NAPSA: variants seen among roughly 807,000 people sequenced by gnomAD.
The protein encoded by NAPSA is napsin-A.
NAPSA carries 37 observed loss-of-function variants against 36.7 expected under a neutral mutation model. That is an observed-to-expected ratio of 1.01 (90% CI 0.78 to 1.33). The LOEUF is 1.33. Ranked by LOEUF, NAPSA falls within the 40% of genes most tolerant of loss-of-function variation. NAPSA has a pLI of 0.00. For synonymous variants in NAPSA, 222 were observed against 234.5 expected, an observed-to-expected ratio of 0.95 and a Z score of 0.49; for missense variants, 532 against 543.8, an observed-to-expected ratio of 0.98 and a Z score of 0.21.
Position 50,364,274 on chromosome 19 carries a change from C to T in NAPSA, c.83+1265G>A, listed in dbSNP as rs2037512946. On this transcript the variant is annotated intron_variant, in intron 1 of 8. Coordinates refer to ENST00000253719, the MANE Select transcript of NAPSA (RefSeq NM_004851.3). ...AGGTTGCAGTGAGCTGAGATCGCGC[C>T]ATTGCACTCCAGCCTGGGCGACAGG... Among the ~76,000 whole-genome samples the T allele has an allele frequency of 2.1e-5, 3 of 143,946 alleles. No individual in the cohort carries two copies. In the Admixed American group the frequency reaches 2.1e-4, roughly 10 times the overall value. The allele number at this position is 143,946 out of a possible 152,430, so 94.4% of individuals were successfully genotyped here. A position where few individuals can be genotyped will look rare whatever the true frequency, so the allele number is the denominator to read the frequency against.
upstream of NAPSA, among the ~76,000 whole-genome samples, chr19:50,366,646 G>GTTATTTATTTAT (rs56341915): frequency 1.4e-4 from 20 of 144,944 alleles, no homozygotes; most frequent in Non-Finnish European, 1.8e-4. Flanking sequence ...GCATTGATGA[G>GTTATTTATTTAT]TTATTTATTT....
chr19:50,359,103 T>C lies in NAPSA; in HGVS notation c.943A>G (p.Ile315Val). The C allele has an allele frequency of 6.2e-7, 1 of 1,613,018 alleles. No homozygotes were observed. Residue 315 changes from isoleucine (I) to valine (V), a missense_variant, in exon 8 of 9, where the codon ATC (isoleucine) becomes GTC (valine). Around this residue, in one of 3 missense-constraint regions of NAPSA, gnomAD observed 385 missense variants for 371.5 expected, o/e 1.04. Coordinates refer to ENST00000253719, the MANE Select transcript of NAPSA (RefSeq NM_004851.3). ...AGCTTTGGGATTTCCGAGCACAGGA[T>C]GATGTACTGGGGGAGAAGAGGAACT... is the stretch of plus-strand genomic sequence containing the variant. ...GIPLLAGEYI[I>V]LCSEIPKLPA... is the part of the protein sequence containing the mutation.
intron 1 of NAPSA, 106 bp downstream of exon 1, chr19:50,365,433 T>C (rs2037534770): frequency 1.9e-6 from 2 of 1,042,466 alleles, no homozygotes; most frequent in Admixed American, 1.9e-5. Context: ...GCTCTAGGGA[T>C]CCTGGGTGCC....
At chr19:50,367,544 CT>C (rs2123624464), upstream of NAPSA, among the ~76,000 whole-genome samples, 1 of 138,190 alleles carries the variant, frequency 7.2e-6, no homozygotes, top group African/African-American at 2.8e-5. Flanking sequence ...CAGTCTCTCT[CT>C]CTCCCTCTCT....
intron 1 of NAPSA, 55 bp from the exon 2 acceptor site, chr19:50,362,368 T>C: frequency 6.6e-7 from 1 of 1,509,026 alleles, no homozygotes. Flanking sequence ...AACCTCTAAA[T>C]AGACTTACCC....
At chr19:50,363,663 A>G (rs2037505174) in intron 1 of NAPSA, among the ~76,000 whole-genome samples, 1 of 152,028 alleles carries the variant, frequency 6.6e-6, no homozygotes, top group African/African-American at 2.4e-5. Context: ...ACTGGGCTCA[A>G]GCAATCCTCC....
chr19:50,361,212 C>G, intron 4 of NAPSA, 72 bp from the exon 5 acceptor site: 1 of 1,332,480 alleles, frequency 7.5e-7, no homozygotes, highest in Non-Finnish European at 1.1e-6. Flanking sequence ...GTCTCCCAAA[C>G]CAAGGCATGA....
chr19:50,364,779 G>A (rs1349711698), intron 1 of NAPSA, among the ~76,000 whole-genome samples: 1 of 149,906 alleles, frequency 6.7e-6, no homozygotes, highest in Non-Finnish European at 1.5e-5. Flanking sequence ...GATCACTTGA[G>A]GTCAGGAGTT....
chr19:50,361,062 A>G lies in NAPSA; in HGVS notation c.547T>C (p.Phe183Leu). 5.0e-6 allele frequency: 8 copies of G among 1,614,118 alleles called. No individual in the cohort carries two copies. Among genetic ancestry groups the G allele is most frequent in the Non-Finnish European group, 5.9e-6 (7 of 1,180,016 alleles). Residue 183 changes from phenylalanine (F) to leucine (L), a missense_variant, in exon 5 of 9, where the codon TTT becomes CTT. Physicochemically the swap from Phe to Leu is conservative, Grantham distance 22. This residue lies in a region of NAPSA where 385 missense variants were observed against 371.5 expected (regional missense o/e 1.04). Coordinates refer to ENST00000253719, the MANE Select transcript of NAPSA (RefSeq NM_004851.3). ...EPSLVFAFAH[F>L]DGILGLGFPI... ...AAACCGAGGCCCAATATCCCATCAA[A>G]ATGGGCAAAAGCGAAGACCAGGCTG...
chr19:50,360,887 ACT>A (rs2037462217), intron 5 of NAPSA, 52 bp downstream of exon 5: 1 of 1,532,388 alleles, frequency 6.5e-7, no homozygotes. Context: ...CTGAAGGAAG[ACT>A]CTCTTCCTTC....
At chr19:50,368,609 GT>G (rs1420963225), upstream of NAPSA, among the ~76,000 whole-genome samples, 1 of 152,132 alleles carries the variant, frequency 6.6e-6, no homozygotes, top group Non-Finnish European at 1.5e-5. Context: ...ACCCCCCTTT[GT>G]TTTCTCAGTC....
At chr19:50,368,157 C>CAAA (rs56938224), upstream of NAPSA, among the ~76,000 whole-genome samples, 13 of 64,174 alleles carry the variant, frequency 2.0e-4, no homozygotes, top group South Asian at 5.6e-4. Context: ...GACTCCCTCT[C>CAAA]AAAAAAAAAA....
rs758116701 is a variant in NAPSA, at chr19:50,359,881, G to A, written c.669-19C>T. 1 of 1,611,880 alleles carries A rather than the reference G, an allele frequency of 6.2e-7. No homozygotes were observed. ...AGGGTCCCTGCAGGGGCAGAGTGTA[G>A]AGAGTGTAGATGTCAGTGTCACTGG... On this transcript the variant is annotated intron_variant, in intron 5 of 8. Coordinates refer to ENST00000253719, the MANE Select transcript of NAPSA (RefSeq NM_004851.3).
chr19:50,367,883 T>C (rs571719000), upstream of NAPSA, among the ~76,000 whole-genome samples: 1 of 152,038 alleles, frequency 6.6e-6, no homozygotes. Flanking sequence ...ATCGGCTGGA[T>C]GCGGTAACTC....
chr19:50,358,818 A>G (rs762229089), intron 8 of NAPSA, 38 bp from the exon 9 acceptor site: 13 of 1,556,030 alleles, frequency 8.4e-6, no homozygotes, highest in Non-Finnish European at 1.0e-5. Context: ...TGTCGCGGCC[A>G]CAAGGACGGC....
intron 1 of NAPSA, among the ~76,000 whole-genome samples, chr19:50,364,853 G>A (rs1328357877): frequency 4.7e-5 from 7 of 150,310 alleles, no homozygotes; most frequent in South Asian, 2.1e-4. Flanking sequence ...TTAGCCGGGC[G>A]TGGTGGCATG....
At chr19:50,359,232 C>T in intron 7 of NAPSA, 123 bp from the exon 8 acceptor site, 1 of 935,818 alleles carries the variant, frequency 1.1e-6, no homozygotes. Context: ...GTCCTGTGTG[C>T]AGAGGCCCTG....
At chr19:50,364,992 A>T (rs997241603) in intron 1 of NAPSA, among the ~76,000 whole-genome samples, 14 of 138,624 alleles carry the variant, frequency 1.0e-4, no homozygotes, top group African/African-American at 3.7e-4. Context: ...ACTCTGTCTC[A>T]AATAATAATA....
intron 5 of NAPSA, 100 bp from the exon 6 acceptor site, chr19:50,359,962 T>G (rs2037451528): frequency 6.7e-7 from 1 of 1,492,682 alleles, no homozygotes; most frequent in Admixed American, 2.0e-5. Flanking sequence ...ACTGGGTTGT[T>G]TCTGGAGTTC....
Sources: gnomAD v4.1 joint callset for allele counts (sites outside exome capture counted in the v4.1 genomes callset) on GRCh38, gnomAD v4.1.1 for gene constraint, gnomAD v4.1.1 regional missense constraint, MANE v1.5 for transcripts, NCBI Gene and HGNC (gene_info 2026-07-23, HGNC 2026-07-21) for gene names.